ROBO1: variants seen among roughly 807,000 people sequenced by gnomAD.
ROBO1 encodes the protein roundabout homolog 1.
A neutral mutation model predicts 195.9 loss-of-function variants in ROBO1; 149 were observed. That is an observed-to-expected ratio of 0.76 (90% confidence interval 0.67 to 0.87). ROBO1 has a LOEUF of 0.87. Ranked by LOEUF, ROBO1 falls within the 40% of genes least tolerant of loss-of-function variation. ROBO1 has a pLI of 0.00. For missense variants in ROBO1, 1,933 were observed against 2,068.3 expected, an observed-to-expected ratio of 0.93 and a Z score of 1.27; for synonymous variants, 816 against 733.2, an observed-to-expected ratio of 1.11 and a Z score of -1.82.
chr3:78,958,827 T>TC, intron 3 of ROBO1, among the ~76,000 whole-genome samples: 1 of 150,798 alleles, frequency 6.6e-6, no homozygotes, highest in East Asian at 1.9e-4. Flanking sequence ...TTCTTTTTTT[T>TC]TTTTTTTTTT....
chr3:79,015,005 A>C (rs1283761586), intron 3 of ROBO1, among the ~76,000 whole-genome samples: 1 of 152,176 alleles, frequency 6.6e-6, no homozygotes, highest in African/African-American at 2.4e-5. Flanking sequence ...GGTCATTGTT[A>C]GTCTGAAATT....
rs1393857774 is a variant in ROBO1, at chr3:78,746,778, C to T, written c.622G>A (p.Gly208Ser). Residue 208 changes from glycine (G) to serine (S), a missense_variant, in exon 5 of 31, where the codon GGC becomes AGC. Transcript: ENST00000464233. The stretch of plus-strand genomic sequence containing the variant: ...TCATCTTTATCATCCAGTGGAGAGC[C>T]ATCTTTCTTCCATGAAATGGTGGGC... ...PEPTISWKKD[G>S]SPLDDKDERI... is the part of the protein sequence containing the mutation. 6.4e-7 allele frequency: 1 copy of T among 1,573,874 alleles called. No homozygotes were observed. The highest frequency in any genetic ancestry group is 8.7e-7 in the Non-Finnish European group (1 of 1,153,908).
chr3:79,512,467 C>A (rs754385984), intron 2 of ROBO1, among the ~76,000 whole-genome samples: 2 of 152,094 alleles, frequency 1.3e-5, no homozygotes, highest in Non-Finnish European at 2.9e-5. Context: ...CCCAAACCTG[C>A]GAACTCGTTA....
rs1466113424 is a variant in ROBO1 at position 78,673,506 on chromosome 3, AAAATAATATATAATATATAT to A, written c.1343-3225_1343-3206del. On this transcript the variant is annotated intron_variant, in intron 10 of 30. Transcript: ENST00000464233. ...TATAATATAAATATATAAAATATAT[AAAATAATATATAATATATAT>A]AAATATATATATATTACAGCTAGGT... is the stretch of plus-strand genomic sequence containing the variant. Among the ~76,000 whole-genome samples the A allele has an allele frequency of 6.4e-5, 9 of 140,932 alleles. No homozygotes were observed. In the Admixed American group the frequency reaches 6.7e-4, roughly 11 times the overall value. 92.5% of individuals were successfully genotyped at this position (140,932 alleles called of 152,430 possible).
chr3:78,841,119 C>T (rs1468799531), intron 4 of ROBO1, among the ~76,000 whole-genome samples: 1 of 150,774 alleles, frequency 6.6e-6, no homozygotes, highest in Non-Finnish European at 1.5e-5. Context: ...GTCAATAAGG[C>T]AATGTTGTAT....
At chr3:79,259,461 C>T (rs1348821654) in intron 2 of ROBO1, among the ~76,000 whole-genome samples, 2 of 152,020 alleles carry the variant, frequency 1.3e-5, no homozygotes, top group Non-Finnish European at 2.9e-5. Flanking sequence ...TTTCAGTTAT[C>T]TTAAAATGTA....
chr3:78,877,659 T>C (rs1238066162), intron 4 of ROBO1, among the ~76,000 whole-genome samples: 1 of 152,176 alleles, frequency 6.6e-6, no homozygotes, highest in Non-Finnish European at 1.5e-5. Flanking sequence ...TTTTAGTATC[T>C]CTCAGACCAT....
In ROBO1 at chr3:78,634,002, G is replaced by A. The variant is rs772985757; in HGVS notation, c.3414C>T (p.Tyr1138=). ...ANDTVPPTIP[Y]NQSYDQNTGG... ...CTGTGTTCTGGTCGTATGATTGGTTGTATGGGATAGTTGGAGGAACTGTGT... is the reference window on the plus strand; with the variant it reads ...CTGTGTTCTGGTCGTATGATTGGTTATATGGGATAGTTGGAGGAACTGTGT... Residue 1138 remains tyrosine (Y), a synonymous_variant, in exon 24 of 31, where the codon TAC becomes TAT. Coordinates refer to ENST00000464233, the MANE Select transcript of ROBO1 (RefSeq NM_002941.4). The A allele has an allele frequency of 4.3e-6, 7 of 1,612,042 alleles. No homozygotes were observed. Among genetic ancestry groups the A allele is most frequent in the Non-Finnish European group, 5.9e-6 (7 of 1,178,882 alleles).
intron 1 of ROBO1, among the ~76,000 whole-genome samples, chr3:79,672,262 C>T (rs950448311): frequency 6.6e-6 from 1 of 151,860 alleles, no homozygotes; most frequent in Non-Finnish European, 1.5e-5. Context: ...AAGAGGTTCA[C>T]ACACACTAAC....
chr3:79,443,383 G>C (rs915177813), intron 2 of ROBO1, among the ~76,000 whole-genome samples: 2 of 151,942 alleles, frequency 1.3e-5, no homozygotes, highest in African/African-American at 4.8e-5. Context: ...TAACTATCTC[G>C]GTTAAATGGA....
intron 2 of ROBO1, among the ~76,000 whole-genome samples, chr3:79,328,008 G>A (rs1386877213): frequency 1.3e-5 from 2 of 152,080 alleles, no homozygotes; most frequent in Admixed American, 6.6e-5. Context: ...AAATAGATAT[G>A]TAGAAATAAG....
chr3:79,018,632 C>G (rs1428152451), intron 3 of ROBO1: 3 of 1,439,688 alleles, frequency 2.1e-6, no homozygotes, highest in Admixed American at 2.5e-5. Flanking sequence ...GGACGCTTGT[C>G]AGTATCTCAG....
chr3:79,465,122 G>T (rs1482903026), intron 2 of ROBO1, among the ~76,000 whole-genome samples: 1 of 152,088 alleles, frequency 6.6e-6, no homozygotes, highest in African/African-American at 2.4e-5. Flanking sequence ...TTTTTTTCCT[G>T]TTGTATTGCA....
chr3:79,188,464 A>G (rs1455342205), intron 2 of ROBO1, among the ~76,000 whole-genome samples: 1 of 151,800 alleles, frequency 6.6e-6, no homozygotes, highest in Non-Finnish European at 1.5e-5. Flanking sequence ...GTATATATTA[A>G]CCTAGAACCT....
intron 1 of ROBO1, among the ~76,000 whole-genome samples, chr3:79,753,795 G>A (rs747342769): frequency 1.3e-5 from 2 of 152,192 alleles, no homozygotes; most frequent in African/African-American, 2.4e-5. Flanking sequence ...AGGATTTGGA[G>A]AAAATCTGGG....
At chr3:79,174,483 C>G (rs985940080) in intron 2 of ROBO1, among the ~76,000 whole-genome samples, 1 of 152,116 alleles carries the variant, frequency 6.6e-6, no homozygotes, top group African/African-American at 2.4e-5. Context: ...GGGTCTGCAG[C>G]GTCATTCTTG....
At chr3:79,302,623 A>G (rs181182782) in intron 2 of ROBO1, among the ~76,000 whole-genome samples, 1 of 152,346 alleles carries the variant, frequency 6.6e-6, no homozygotes, top group East Asian at 1.9e-4. Context: ...GAAGTATTAT[A>G]TATTTAGACA....
chr3:79,360,066 C>T (rs1157293017), intron 2 of ROBO1, among the ~76,000 whole-genome samples: 1 of 151,942 alleles, frequency 6.6e-6, no homozygotes, highest in African/African-American at 2.4e-5. Context: ...ATAGCATGAG[C>T]GATTATACTG....
intron 2 of ROBO1, among the ~76,000 whole-genome samples, chr3:79,315,263 G>A (rs901345146): frequency 6.6e-6 from 1 of 152,108 alleles, no homozygotes; most frequent in Non-Finnish European, 1.5e-5. Flanking sequence ...GCCACAAAGG[G>A]TGATCTCATC....
Sources: gnomAD v4.1 joint callset for allele counts (sites outside exome capture counted in the v4.1 genomes callset) on GRCh38, gnomAD v4.1.1 for gene constraint, MANE v1.5 for transcripts, NCBI Gene and HGNC (gene_info 2026-07-23, HGNC 2026-07-21) for gene names.